The following SLC9A1 variants were observed in gnomAD, a reference collection of about 807,000 sequenced individuals.
SLC9A1 encodes the protein sodium/hydrogen exchanger 1.
Under a neutral mutation model 67.9 loss-of-function variants are expected in SLC9A1, and 22 were observed. That is an observed-to-expected ratio of 0.32 (90% confidence interval 0.23 to 0.46). SLC9A1 has a LOEUF of 0.46. Ranked by LOEUF, SLC9A1 falls within the 20% of genes least tolerant of loss-of-function variation. The pLI, the probability that SLC9A1 is intolerant of heterozygous loss-of-function variation, is 1.00. For synonymous variants in SLC9A1, 421 were observed against 471.8 expected (o/e 0.89, Z 1.40); for missense variants, 686 against 1,094.8 (o/e 0.63, Z 5.27).
chr1:27,103,829 C>T (rs2083165013), intron 5 of SLC9A1: 1 of 157,820 alleles, frequency 6.3e-6, no homozygotes, highest in Non-Finnish European at 1.4e-5. Flanking sequence ...CTTCCATTGT[C>T]TCTATTTAAC....
At chr1:27,145,733 G>A (rs1291707828) in intron 1 of SLC9A1, among the ~76,000 whole-genome samples, 1 of 152,156 alleles carries the variant, frequency 6.6e-6, no homozygotes, top group Non-Finnish European at 1.5e-5. Flanking sequence ...ATCTTTTCAG[G>A]AAAGAATTTG....
intron 1 of SLC9A1, among the ~76,000 whole-genome samples, chr1:27,133,484 A>G (rs754322670): frequency 2.0e-5 from 3 of 152,266 alleles, no homozygotes; most frequent in Non-Finnish European, 4.4e-5. Context: ...AGTGTAAGAG[A>G]CTACTCAAAG....
intron 1 of SLC9A1, among the ~76,000 whole-genome samples, chr1:27,123,529 G>C (rs1041530932): frequency 1.3e-5 from 2 of 151,094 alleles, no homozygotes; most frequent in African/African-American, 4.9e-5. Context: ...TTTAGACAGA[G>C]TCTCGCTCTG....
At position 27,124,430 on chromosome 1, in the gene SLC9A1, A is replaced by G. The variant is rs2083326897; in HGVS notation, c.353-10144T>C. On this transcript the variant is annotated intron_variant, in intron 1 of 11. Transcript: ENST00000263980. The stretch of plus-strand genomic sequence containing the variant: ...GTTAAATTCATTATATATAACTTCA[A>G]CTTGCTTGAAATCTCATCCTACTTG... Among the ~76,000 whole-genome samples, 4 of 152,362 alleles carry G rather than the reference A, an allele frequency of 2.6e-5. No homozygotes were observed. In the South Asian group the frequency reaches 8.3e-4, roughly 32 times the overall value.
At position 27,109,684 on chromosome 1, in the gene SLC9A1, G is replaced by C. The variant is rs768266891; in HGVS notation, c.907C>G (p.Leu303Val). The change falls in exon 3 of 12, where the codon CTG becomes GTG. Residue 303 changes from leucine to valine, a missense_variant. Leu to Val is a conservative substitution (Grantham distance 32, BLOSUM62 1). This residue lies in a region of SLC9A1 where 58 missense variants were observed against 68.9 expected (regional missense o/e 0.84). Coordinates refer to ENST00000263980, the MANE Select transcript of SLC9A1 (RefSeq NM_003047.5). This position sits in a 1 kb window ranked among gnomAD's most constrained non-coding sequence, Gnocchi z 5.5. Reference sequence around the variant, plus strand: ...ACCACGCCCACAAGCACCCCGCCCAGGGCCACCACGAAGAAGCTCAGGAAG... The same window carrying C: ...ACCACGCCCACAAGCACCCCGCCCACGGCCACCACGAAGAAGCTCAGGAAG... ...LGFLSFFVVA[L>V]GGVLVGVVYG... 1.2e-6 allele frequency: 2 copies of C among 1,614,012 alleles called. No individual in the cohort carries two copies. The highest frequency in any genetic ancestry group is 1.7e-6 in the Non-Finnish European group (2 of 1,180,022).
At chr1:27,107,212 A>G in intron 4 of SLC9A1, among the ~76,000 whole-genome samples, 1 of 119,334 alleles carries the variant, frequency 8.4e-6, no homozygotes, top group African/African-American at 3.2e-5. Flanking sequence ...ACACACACCC[A>G]GCCCCTCTAC....
chr1:27,128,283 G>T (rs895229879), intron 1 of SLC9A1, among the ~76,000 whole-genome samples: 2 of 152,154 alleles, frequency 1.3e-5, no homozygotes, highest in African/African-American at 4.8e-5. Flanking sequence ...CTAACATTGG[G>T]ATAAAGAATG....
At chr1:27,125,952 C>T (rs998275581) in intron 1 of SLC9A1, among the ~76,000 whole-genome samples, 3 of 152,118 alleles carry the variant, frequency 2.0e-5, no homozygotes, top group Non-Finnish European at 2.9e-5. Flanking sequence ...CATCCCCCTC[C>T]GCGTCTTTCC....
chr1:27,128,629 C>A lies in SLC9A1; in HGVS notation c.353-14343G>T, dbSNP rs2083361849. On this transcript the variant is annotated intron_variant, in intron 1 of 11. Transcript: ENST00000263980. ...CGAGATCATGCCAACTGCACTCTAT[C>A]CTGGGCAACAGGGTGAGACCCTGTC... 2.0e-5 allele frequency among the ~76,000 whole-genome samples: 3 copies of A among 146,524 alleles called. No individual in the cohort carries two copies. In the South Asian group the frequency reaches 6.5e-4, roughly 32 times the overall value.
intron 1 of SLC9A1, among the ~76,000 whole-genome samples, chr1:27,148,619 C>T (rs1292905271): frequency 1.3e-5 from 2 of 152,110 alleles, no homozygotes; most frequent in Non-Finnish European, 2.9e-5. Context: ...AAATGATGAA[C>T]ACATCAATAC....
At chr1:27,135,967 G>A (rs1249551429) in intron 1 of SLC9A1, among the ~76,000 whole-genome samples, 7 of 152,230 alleles carry the variant, frequency 4.6e-5, no homozygotes, top group Non-Finnish European at 8.8e-5. Context: ...AATGACACAG[G>A]TCAGATAATC....
rs535236077 is a variant in SLC9A1 at position 27,125,759 on chromosome 1, T to C, written c.353-11473A>G. 4.6e-5 allele frequency among the ~76,000 whole-genome samples: 7 copies of C among 152,188 alleles called. No homozygotes were observed. In the East Asian group the frequency reaches 1.4e-3, roughly 29 times the overall value. On this transcript the variant is annotated intron_variant, in intron 1 of 11. Transcript: ENST00000263980. ...ATAGGCGTATGCCACCACGTCCAGC[T>C]AATTTTTGTATTTTTAGTAGATGAG...
At chr1:27,140,289 A>G (rs2083445976) in intron 1 of SLC9A1, among the ~76,000 whole-genome samples, 1 of 151,932 alleles carries the variant, frequency 6.6e-6, no homozygotes, top group Non-Finnish European at 1.5e-5. Context: ...CCATCTTTCC[A>G]TCTTCAGTAC....
chr1:27,130,122 A>G (rs1027888633), intron 1 of SLC9A1, among the ~76,000 whole-genome samples: 6 of 152,118 alleles, frequency 3.9e-5, no homozygotes, highest in African/African-American at 1.4e-4. Context: ...GTTTTTTGAG[A>G]CAGAGTCTCA....
chr1:27,121,000 A>G (rs1339631147), intron 1 of SLC9A1, among the ~76,000 whole-genome samples: 1 of 152,162 alleles, frequency 6.6e-6, no homozygotes, highest in Non-Finnish European at 1.5e-5. Context: ...CAAAGAAAAC[A>G]GCTTGTCAGG....
chr1:27,146,110 C>T (rs2083483817), intron 1 of SLC9A1, among the ~76,000 whole-genome samples: 1 of 152,112 alleles, frequency 6.6e-6, no homozygotes, highest in South Asian at 2.1e-4. Flanking sequence ...GCGAGTGCTG[C>T]AAAATGAGGC....
In SLC9A1 at chr1:27,100,264, G is replaced by A; in HGVS notation, c.*43C>T. 1 of 1,424,126 alleles carries A rather than the reference G, an allele frequency of 7.0e-7. No homozygotes were observed. Among genetic ancestry groups the A allele is most frequent in the Non-Finnish European group, 9.4e-7 (1 of 1,060,142 alleles). 88.2% of individuals were successfully genotyped at this position (1,424,126 alleles called of 1,614,324 possible). On this transcript the variant is annotated 3_prime_UTR_variant, in exon 12 of 12. Transcript: ENST00000263980. The surrounding 1 kb of genome is among the most constrained non-coding windows in gnomAD (Gnocchi z 5.6). Reference sequence around the variant, plus strand: ...GCCCCCAGCAGCCCCTGCTCTGGTGGAAGAGTCTGTGAGGGGACAGGCGCT... The same window carrying A: ...GCCCCCAGCAGCCCCTGCTCTGGTGAAAGAGTCTGTGAGGGGACAGGCGCT...
At chr1:27,142,116 T>C (rs2083456507) in intron 1 of SLC9A1, among the ~76,000 whole-genome samples, 4 of 152,164 alleles carry the variant, frequency 2.6e-5, no homozygotes, top group African/African-American at 9.7e-5. Context: ...TGCCCTTCTT[T>C]AGGCTTAAAG....
chr1:27,150,263 G>A (rs769342851), intron 1 of SLC9A1, among the ~76,000 whole-genome samples: 4 of 152,096 alleles, frequency 2.6e-5, no homozygotes, highest in South Asian at 2.1e-4. Context: ...GGCAGGATTC[G>A]CCTTGCAAAG....
Sources: allele counts gnomAD v4.1 joint callset (sites outside exome capture counted in the v4.1 genomes callset), GRCh38; gene constraint gnomAD v4.1.1; regional missense constraint gnomAD v4.1.1; non-coding constraint Gnocchi (gnomAD v3.1); transcripts MANE v1.5; gene names NCBI Gene and HGNC (gene_info 2026-07-23, HGNC 2026-07-21).